Variants in FAT3 observed in about 807,000 individuals in gnomAD.
The protein encoded by FAT3 is FAT atypical cadherin 3, also known as protocadherin Fat 3.
In FAT3, 95 loss-of-function variants were observed where a neutral mutation model predicts 310.2. That is an observed-to-expected ratio of 0.31 (90% CI 0.26 to 0.36). The LOEUF is 0.36. Ranked by LOEUF, FAT3 falls within the 10% of genes least tolerant of loss-of-function variation. The probability of loss-of-function intolerance (pLI) is 1.00; values close to 1 mark genes in which losing one functional copy is unlikely to be tolerated. For missense variants in FAT3, 5,408 were observed against 5,715.6 expected (o/e 0.95, Z 1.74); for synonymous variants, 2,314 against 2,192.9 (o/e 1.06, Z -1.54).
In FAT3 at chr11:92,288,869, G is replaced by T. The variant is rs148587580; in HGVS notation, c.-17-63227G>T. On this transcript the variant is annotated intron_variant, in intron 1 of 27. Coordinates refer to ENST00000525166, the MANE Select transcript of FAT3 (RefSeq NM_001367949.2). ...TTCTAGGCTGGCTGGACCACACTTG[G>T]TTGGTTCTTTGGTGATGGACAGTTA... 9.7e-4 allele frequency among the ~76,000 whole-genome samples: 148 copies of T among 152,232 alleles called. 2 individuals are homozygous for T. Among genetic ancestry groups the T allele is most frequent in the African/African-American group, 3.4e-3 (140 of 41,552 alleles).
At chr11:92,566,967 A>G (rs1955478436) in intron 3 of FAT3, among the ~76,000 whole-genome samples, 1 of 152,222 alleles carries the variant, frequency 6.6e-6, no homozygotes, top group Non-Finnish European at 1.5e-5. Flanking sequence ...CATTCAGGAC[A>G]TAGGCATGGA....
intron 3 of FAT3, among the ~76,000 whole-genome samples, chr11:92,545,841 C>T (rs993336076): frequency 6.6e-6 from 1 of 152,146 alleles, no homozygotes; most frequent in African/African-American, 2.4e-5. Context: ...ACAGCAAAGC[C>T]CTTTCAGAGC....
At chr11:92,309,369 T>C (rs1389909352) in intron 1 of FAT3, among the ~76,000 whole-genome samples, 1 of 103,282 alleles carries the variant, frequency 9.7e-6, no homozygotes, top group East Asian at 3.0e-4. Flanking sequence ...CTCGCACTCT[T>C]TTACACACAC....
intron 3 of FAT3, among the ~76,000 whole-genome samples, chr11:92,653,111 A>T (rs1942446845): frequency 6.6e-6 from 1 of 152,204 alleles, no homozygotes; most frequent in African/African-American, 2.4e-5. Context: ...GTGAGCTGAG[A>T]TTGTGCCATT....
Position 92,790,136 on chromosome 11 carries a change from G to A in FAT3, c.4529G>A (p.Arg1510Gln), listed in dbSNP as rs768777673. 2.5e-5 allele frequency: 41 copies of A among 1,613,752 alleles called. No individual in the cohort carries two copies. Among genetic ancestry groups the A allele is most frequent in the Non-Finnish European group, 3.1e-5 (36 of 1,179,714 alleles). Residue 1510 changes from arginine (R) to glutamine (Q), a missense_variant, in exon 8 of 28, where the codon CGG becomes CAG. Transcript: ENST00000525166. ...GACTCCATCAGCATGAGAAAATTCCGGATTGACCCTAGCACTGGCGTGCTC... is the reference window on the plus strand; with the variant it reads ...GACTCCATCAGCATGAGAAAATTCCAGATTGACCCTAGCACTGGCGTGCTC... ...SIDSISMRKF[R>Q]IDPSTGVLYT...
At chr11:92,262,547 C>T (rs1452853848) in intron 1 of FAT3, among the ~76,000 whole-genome samples, 1 of 152,042 alleles carries the variant, frequency 6.6e-6, no homozygotes, top group East Asian at 1.9e-4. Context: ...CAGATACATC[C>T]AGAGTCTCAG....
chr11:92,675,978 G>A (rs1454572725), intron 3 of FAT3, among the ~76,000 whole-genome samples: 2 of 152,064 alleles, frequency 1.3e-5, no homozygotes, highest in Non-Finnish European at 2.9e-5. Flanking sequence ...TTCATCCTGA[G>A]ACTGTTGACA....
chr11:92,321,669 C>T lies in FAT3; in HGVS notation c.-17-30427C>T, dbSNP rs570020466. 3.3e-5 allele frequency among the ~76,000 whole-genome samples: 5 copies of T among 152,266 alleles called. No homozygotes were observed. In the South Asian group the frequency reaches 6.2e-4, roughly 19 times the overall value. ...CTATTATGCAGCATTTCAGAGCAAG[C>T]TACGGAGCTGGGCTTGGGCAGTTAA... On this transcript the variant is annotated intron_variant, in intron 1 of 27. Transcript: ENST00000525166.
At chr11:92,571,256 G>A (rs923548942) in intron 3 of FAT3, among the ~76,000 whole-genome samples, 8 of 152,146 alleles carry the variant, frequency 5.3e-5, no homozygotes, top group Non-Finnish European at 1.0e-4. Flanking sequence ...TGAGGCTCTG[G>A]TGGGATTCCT....
At chr11:92,600,106 T>C (rs1196159434) in intron 3 of FAT3, among the ~76,000 whole-genome samples, 3 of 152,198 alleles carry the variant, frequency 2.0e-5, no homozygotes, top group Non-Finnish European at 4.4e-5. Flanking sequence ...CTTGTATCTG[T>C]TTTTTTCTTT....
chr11:92,653,983 T>G (rs556517246), intron 3 of FAT3, among the ~76,000 whole-genome samples: 1 of 152,332 alleles, frequency 6.6e-6, no homozygotes, highest in Non-Finnish European at 1.5e-5. Flanking sequence ...AGTTTTAAAT[T>G]TTGCTTTCAA....
At chr11:92,396,810 G>A (rs1295307224) in intron 2 of FAT3, among the ~76,000 whole-genome samples, 2 of 152,112 alleles carry the variant, frequency 1.3e-5, no homozygotes, top group African/African-American at 2.4e-5. Context: ...GGGTTGAAGC[G>A]ATTCTCCTGC....
intron 22 of FAT3, 79 bp downstream of exon 22, chr11:92,867,288 C>A: frequency 7.3e-7 from 1 of 1,363,292 alleles, no homozygotes; most frequent in Non-Finnish European, 9.8e-7. Context: ...TCCCTGCCCT[C>A]CCAACGCAAG....
At chr11:92,749,383 C>T (rs1945765832) in intron 4 of FAT3, among the ~76,000 whole-genome samples, 1 of 152,084 alleles carries the variant, frequency 6.6e-6, no homozygotes, top group Non-Finnish European at 1.5e-5. Context: ...CAAAAGCCAG[C>T]TTGGAACTAA....
intron 1 of FAT3, among the ~76,000 whole-genome samples, chr11:92,329,493 A>T (rs1220823349): frequency 6.6e-6 from 1 of 152,076 alleles, no homozygotes; most frequent in Non-Finnish European, 1.5e-5. Context: ...CTTCTTGTAC[A>T]GCCTGCAGAA....
intron 3 of FAT3, among the ~76,000 whole-genome samples, chr11:92,676,317 A>G (rs1943287250): frequency 6.6e-6 from 1 of 152,180 alleles, no homozygotes; most frequent in Non-Finnish European, 1.5e-5. Context: ...CATAATTTAT[A>G]TTTCTAATAA....
At chr11:92,767,037 TC>T (rs1946331215) in intron 6 of FAT3, among the ~76,000 whole-genome samples, 1 of 151,942 alleles carries the variant, frequency 6.6e-6, no homozygotes, top group African/African-American at 2.4e-5. Flanking sequence ...TCACTTGAGG[TC>T]AGAAGTTCGA....
At chr11:92,348,806 T>C (rs939048907) in intron 1 of FAT3, among the ~76,000 whole-genome samples, 7 of 152,188 alleles carry the variant, frequency 4.6e-5, no homozygotes, top group Non-Finnish European at 8.8e-5. Flanking sequence ...ACCTGTATAA[T>C]TTCTTGATTC....
intron 2 of FAT3, among the ~76,000 whole-genome samples, chr11:92,508,943 T>C (rs2135301904): frequency 6.6e-6 from 1 of 152,294 alleles, no homozygotes; most frequent in South Asian, 2.1e-4. Context: ...TTTTCAAGGC[T>C]GAAGAATTCA....
Sources: gnomAD v4.1 joint callset for allele counts (sites outside exome capture counted in the v4.1 genomes callset) on GRCh38, gnomAD v4.1.1 for gene constraint, MANE v1.5 for transcripts, NCBI Gene and HGNC (gene_info 2026-07-23, HGNC 2026-07-21) for gene names.